The following LTBP1 variants were observed in gnomAD, a reference collection of about 807,000 sequenced individuals.
LTBP1 encodes latent transforming growth factor beta binding protein 1, also known as latent-transforming growth factor beta-binding protein 1.
Under a neutral mutation model 207.6 loss-of-function variants are expected in LTBP1, and 129 were observed. The ratio of observed to expected loss-of-function variants is 0.62; its 90% CI spans 0.54 to 0.72. LTBP1 has a LOEUF of 0.72. LTBP1 is among the 30% of genes least tolerant of loss of function. The probability of loss-of-function intolerance (pLI) is 0.00; values close to 1 mark genes in which losing one functional copy is unlikely to be tolerated. For synonymous variants in LTBP1, 963 were observed against 833.7 expected, an observed-to-expected ratio of 1.16 and a Z score of -2.67; for missense variants, 2,281 against 2,217.2, an observed-to-expected ratio of 1.03 and a Z score of -0.58.
At chr2:33,234,374 C>T (rs1450466597) in intron 9 of LTBP1, among the ~76,000 whole-genome samples, 4 of 151,988 alleles carry the variant, frequency 2.6e-5, no homozygotes, top group South Asian at 2.1e-4. Context: ...TAGACGAGAT[C>T]GGGCACATTC....
chr2:33,331,546 T>C (rs2094494040), intron 24 of LTBP1, among the ~76,000 whole-genome samples: 1 of 152,186 alleles, frequency 6.6e-6, no homozygotes, highest in Admixed American at 6.5e-5. Flanking sequence ...TACTGGTTTC[T>C]ACCTTAAAAC....
At chr2:33,132,899 G>C (rs2081900261) in intron 4 of LTBP1, among the ~76,000 whole-genome samples, 1 of 152,200 alleles carries the variant, frequency 6.6e-6, no homozygotes, top group South Asian at 2.1e-4. Context: ...ATGTGGAAGA[G>C]GCATTAGATT....
chr2:33,317,684 G>A (rs192601265), intron 24 of LTBP1: 1 of 152,354 alleles, frequency 6.6e-6, no homozygotes, highest in Admixed American at 6.5e-5. Flanking sequence ...TCCATTTACT[G>A]ATTTTCTTCT....
At chr2:33,168,222 A>G (rs781284566) in intron 5 of LTBP1, among the ~76,000 whole-genome samples, 1 of 151,976 alleles carries the variant, frequency 6.6e-6, no homozygotes, top group Non-Finnish European at 1.5e-5. Flanking sequence ...CTACAAAAAT[A>G]AAAAAAGAAA....
At position 33,364,325 on chromosome 2, in the gene LTBP1, A is replaced by G; in HGVS notation, c.4509A>G (p.Glu1503=). ...CTHPMVLDAS[E]KRCIRPAESN... is the part of the protein sequence containing the mutation. ...ACCCCATGGTCCTGGATGCGTCAGA[A>G]AAAAGATGTATACGACCGGCTGAGT... Residue 1503 remains glutamate, a synonymous_variant, in exon 30 of 34, where the codon GAA becomes GAG. Coordinates refer to ENST00000404816, the MANE Select transcript of LTBP1 (RefSeq NM_206943.4). 6.2e-7 allele frequency: 1 copy of G among 1,614,072 alleles called. No individual in the cohort carries two copies. Among genetic ancestry groups the G allele is most frequent in the Non-Finnish European group, 8.5e-7 (1 of 1,179,958 alleles).
intron 22 of LTBP1, among the ~76,000 whole-genome samples, chr2:33,303,893 A>G (rs531974872): frequency 2.6e-5 from 4 of 152,324 alleles, no homozygotes; most frequent in South Asian, 4.1e-4. Flanking sequence ...GGCACTAAAA[A>G]TGTAAACTGA....
intron 31 of LTBP1, among the ~76,000 whole-genome samples, chr2:33,385,332 C>A (rs1403917431): frequency 2.6e-5 from 4 of 152,256 alleles, no homozygotes; most frequent in African/African-American, 9.6e-5. Context: ...CAATTATTTG[C>A]CTGTTGATCA....
At chr2:33,230,520 A>G (rs2091725572) in intron 9 of LTBP1, among the ~76,000 whole-genome samples, 1 of 152,222 alleles carries the variant, frequency 6.6e-6, no homozygotes, top group South Asian at 2.1e-4. Flanking sequence ...ATATAGTTAT[A>G]TGCTCTGATG....
At chr2:33,111,347 A>G (rs908881603) in intron 4 of LTBP1, among the ~76,000 whole-genome samples, 4 of 152,140 alleles carry the variant, frequency 2.6e-5, no homozygotes, top group African/African-American at 9.7e-5. Context: ...TGGTTTAGGT[A>G]TTACAGAGTG....
intron 11 of LTBP1, among the ~76,000 whole-genome samples, chr2:33,255,042 G>A: frequency 1.5e-5 from 2 of 129,276 alleles, no homozygotes; most frequent in African/African-American, 2.9e-5. Context: ...TCGTCATCTA[G>A]CATTAGGTAT....
At chr2:32,992,509 T>A (rs535369643) in intron 2 of LTBP1, among the ~76,000 whole-genome samples, 1 of 152,240 alleles carries the variant, frequency 6.6e-6, no homozygotes, top group East Asian at 1.9e-4. Flanking sequence ...AAGGATTAGA[T>A]GGTAGGTTGA....
At chr2:33,179,979 CA>C (rs1316590057) in intron 5 of LTBP1, among the ~76,000 whole-genome samples, 3 of 152,194 alleles carry the variant, frequency 2.0e-5, no homozygotes, top group Non-Finnish European at 4.4e-5. Context: ...ACACTCCAGC[CA>C]CATCAGCTCC....
At chr2:33,280,991 A>G (rs2093549909) in intron 19 of LTBP1, among the ~76,000 whole-genome samples, 1 of 152,158 alleles carries the variant, frequency 6.6e-6, no homozygotes, top group Admixed American at 6.5e-5. Context: ...GGATCGCTTG[A>G]GTCCAGGAGT....
At chr2:33,158,158 A>C (rs945141985) in intron 5 of LTBP1, among the ~76,000 whole-genome samples, 1 of 139,118 alleles carries the variant, frequency 7.2e-6, no homozygotes, top group African/African-American at 2.5e-5. Flanking sequence ...CAAAAAAAAA[A>C]AAAAAAAGAG....
intron 24 of LTBP1, chr2:33,332,781 G>A (rs2094511724): frequency 6.6e-6 from 1 of 152,166 alleles, no homozygotes; most frequent in Non-Finnish European, 1.5e-5. Flanking sequence ...TTGACTGAAG[G>A]ATCTCTCTAA....
At chr2:33,297,439 A>ATTTG in intron 20 of LTBP1, among the ~76,000 whole-genome samples, 1 of 149,424 alleles carries the variant, frequency 6.7e-6, no homozygotes, top group South Asian at 2.1e-4. Flanking sequence ...TTATTTATTT[A>ATTTG]TTTATTTATT....
chr2:33,113,455 C>T (rs542714246), intron 4 of LTBP1, among the ~76,000 whole-genome samples: 112 of 152,324 alleles, frequency 7.4e-4, no homozygotes, highest in African/African-American at 2.5e-3. Context: ...TCAAACGCAG[C>T]ACTCTCCAGA....
At chr2:33,234,843 G>C (rs1464670272) in intron 9 of LTBP1, among the ~76,000 whole-genome samples, 11 of 151,284 alleles carry the variant, frequency 7.3e-5, no homozygotes, top group Admixed American at 7.3e-4. Context: ...TACAGTAACT[G>C]TATATGCAGA....
At chr2:33,016,337 T>G (rs995949241) in intron 2 of LTBP1, among the ~76,000 whole-genome samples, 1 of 152,000 alleles carries the variant, frequency 6.6e-6, no homozygotes, top group African/African-American at 2.4e-5. Context: ...AGTTTTTGAA[T>G]GAAAGGGAAA....
Sources: allele counts gnomAD v4.1 joint callset (sites outside exome capture counted in the v4.1 genomes callset), GRCh38; gene constraint gnomAD v4.1.1; transcripts MANE v1.5; gene names NCBI Gene and HGNC (gene_info 2026-07-23, HGNC 2026-07-21).